ERCC1: variants seen among roughly 807,000 people sequenced by gnomAD.
ERCC1 encodes the protein DNA excision repair protein ERCC-1.
In ERCC1, 36 loss-of-function variants were observed where a neutral mutation model predicts 37.6. The observed-to-expected ratio is 0.96, with a 90% confidence interval of 0.73 to 1.26. ERCC1 has a LOEUF of 1.26. ERCC1 is among the 50% of genes most tolerant of loss of function. The pLI is 0.00. For synonymous variants in ERCC1, 156 were observed against 162.1 expected (o/e 0.96, Z 0.28); for missense variants, 349 against 376.5 (o/e 0.93, Z 0.60).
At chr19:45,435,854 G>A (rs576899627) in intron 1 of ERCC1, among the ~76,000 whole-genome samples, 3 of 152,042 alleles carry the variant, frequency 2.0e-5, no homozygotes, top group Non-Finnish European at 4.4e-5. Context: ...TCTGCCTCCC[G>A]GATTCAAGCG....
At chr19:45,441,148 A>C (rs1975110111) in intron 1 of ERCC1, among the ~76,000 whole-genome samples, 1 of 152,150 alleles carries the variant, frequency 6.6e-6, no homozygotes, top group African/African-American at 2.4e-5. Flanking sequence ...TTCCCTTTGC[A>C]CTGAGATCAT....
chr19:45,415,372 C>T (rs1973997156), intron 6 of ERCC1, among the ~76,000 whole-genome samples: 1 of 149,184 alleles, frequency 6.7e-6, no homozygotes, highest in Non-Finnish European at 1.5e-5. Flanking sequence ...TGTGGTGGCT[C>T]ACGCCTATAA....
rs746379344 is a variant in ERCC1 at position 45,408,913 on chromosome 19, G to A, written c.*762C>T. The stretch of plus-strand genomic sequence containing the variant: ...TTGAGTCTCAGCCACAGGTGAAGGT[G>A]GAGCCACTGGAGGAAGCCATCCCTC... On this transcript the variant is annotated 3_prime_UTR_variant, in exon 10 of 10. Coordinates refer to ENST00000300853, the MANE Select transcript of ERCC1 (RefSeq NM_001983.4). The A allele has an allele frequency of 1.9e-6, 3 of 1,614,136 alleles. No homozygotes were observed. Among genetic ancestry groups the A allele is most frequent in the Non-Finnish European group, 2.5e-6 (3 of 1,180,008 alleles).
intron 1 of ERCC1, among the ~76,000 whole-genome samples, chr19:45,436,952 T>C (rs1395048111): frequency 6.6e-6 from 1 of 150,888 alleles, no homozygotes; most frequent in Non-Finnish European, 1.5e-5. Flanking sequence ...AGTGAGACTT[T>C]AAAATATAAA....
intron 5 of ERCC1, among the ~76,000 whole-genome samples, chr19:45,417,481 TAAAG>T (rs1974134141): frequency 6.6e-6 from 1 of 151,844 alleles, no homozygotes; most frequent in South Asian, 2.1e-4. Flanking sequence ...ATTCCAGACA[TAAAG>T]AACAGCATGG....
intron 1 of ERCC1, among the ~76,000 whole-genome samples, chr19:45,446,732 G>T (rs1966953674): frequency 6.6e-6 from 1 of 152,164 alleles, no homozygotes; most frequent in Admixed American, 6.6e-5. Flanking sequence ...GGGAGAGGTG[G>T]CTCACAACTG....
In ERCC1 at chr19:45,408,956, A is replaced by T; in HGVS notation, c.*719T>A. On this transcript the variant is annotated 3_prime_UTR_variant, in exon 10 of 10. Transcript: ENST00000300853. ...CATCCCTCTGCCCCCTACGAAGAAG[A>T]GGAAAAAAGAAAAGGGACAGATGGC... 1 of 1,614,084 alleles carries T rather than the reference A, an allele frequency of 6.2e-7. No homozygotes were observed. The highest frequency in any genetic ancestry group is 8.5e-7 in the Non-Finnish European group (1 of 1,180,014).
chr19:45,410,565 T>TTGTGTGTGTA, intron 9 of ERCC1: 1 of 140,722 alleles, frequency 7.1e-6, no homozygotes, highest in African/African-American at 2.7e-5. Flanking sequence ...CATTCTTTCT[T>TTGTGTGTGTA]TGTGTGTGTG....
chr19:45,427,981 G>GA (rs35210742), upstream of ERCC1, among the ~76,000 whole-genome samples: 1 of 152,106 alleles, frequency 6.6e-6, no homozygotes, highest in African/African-American at 2.4e-5. Flanking sequence ...AGAGCGAGGG[G>GA]AAAAAATTGC....
rs1973414906 is a variant in ERCC1, at chr19:45,407,469, T to TG, written c.*2205dup. The TG allele has an allele frequency of 4.0e-6, 2 of 505,806 alleles. No individual in the cohort carries two copies. The highest frequency in any genetic ancestry group is 5.1e-4 in the Middle Eastern group (1 of 1,956). The allele number at this position is 505,806 out of a possible 1,614,324, so 31.3% of individuals were successfully genotyped here. A position where few individuals can be genotyped will look rare whatever the true frequency, so the allele number is the denominator to read the frequency against. On this transcript the variant is annotated 3_prime_UTR_variant, in exon 10 of 10. Transcript: ENST00000300853. ...AACTATAAGGAACTATAGTTAAACT[T>TG]GGAGTGTGCAGATAAGCTCACTAAA...
intron 1 of ERCC1, among the ~76,000 whole-genome samples, chr19:45,450,126 A>C (rs1967068448): frequency 6.6e-6 from 1 of 152,202 alleles, no homozygotes; most frequent in Non-Finnish European, 1.5e-5. Flanking sequence ...CCATTTCAGG[A>C]AGGAAGGAGG....
Position 45,420,295 on chromosome 19 carries a change from G to C in ERCC1, c.425+29C>G, listed in dbSNP as rs565066696. Reference sequence around the variant, plus strand: ...CCCAGGCCAGTGGGGTGCCCTTCCTGAAGTCTGGGGTGGCGCCGCAGAGCT... The same window carrying C: ...CCCAGGCCAGTGGGGTGCCCTTCCTCAAGTCTGGGGTGGCGCCGCAGAGCT... On this transcript the variant is annotated intron_variant, in intron 4 of 9. Transcript: ENST00000300853. This position sits in a 1 kb window ranked among gnomAD's most constrained non-coding sequence, Gnocchi z 4.8. 7 of 1,474,750 alleles carry C rather than the reference G, an allele frequency of 4.7e-6. No homozygotes were observed. In the African/African-American group the frequency reaches 5.6e-5, roughly 12 times the overall value. The allele number at this position is 1,474,750 out of a possible 1,614,324, so 91.4% of individuals were successfully genotyped here.
chr19:45,437,958 A>C (rs1185629645), intron 1 of ERCC1, among the ~76,000 whole-genome samples: 2 of 149,674 alleles, frequency 1.3e-5, no homozygotes, highest in African/African-American at 5.0e-5. Context: ...CCCAGGCTGG[A>C]GTGCAGTGGC....
At chr19:45,436,530 G>A (rs544031251) in intron 1 of ERCC1, 1 of 152,260 alleles carries the variant, frequency 6.6e-6, no homozygotes, top group Admixed American at 6.6e-5. Context: ...TGAGGCTGAG[G>A]CAGGAGAATG....
upstream of ERCC1, among the ~76,000 whole-genome samples, chr19:45,426,163 G>A (rs1010177264): frequency 1.6e-4 from 25 of 151,896 alleles, no homozygotes; most frequent in Admixed American, 1.2e-3. Context: ...GGCGGATCAC[G>A]AGGTCAGGAG....
At chr19:45,446,613 G>A (rs1427996208) in intron 1 of ERCC1, among the ~76,000 whole-genome samples, 1 of 152,130 alleles carries the variant, frequency 6.6e-6, no homozygotes, top group Non-Finnish European at 1.5e-5. Flanking sequence ...AACACTCTCA[G>A]TGCCTAGATT....
chr19:45,427,819 G>A (rs1974732370), upstream of ERCC1, among the ~76,000 whole-genome samples: 1 of 152,106 alleles, frequency 6.6e-6, no homozygotes, highest in Non-Finnish European at 1.5e-5. Flanking sequence ...TTGGGGAGCC[G>A]GGGCCTCTCT....
At chr19:45,433,949 A>T (rs1042210388) in intron 1 of ERCC1, among the ~76,000 whole-genome samples, 1 of 151,682 alleles carries the variant, frequency 6.6e-6, no homozygotes. Context: ...CCTGGCTAAC[A>T]TGGTGAAACC....
intron 9 of ERCC1, 135 bp from the exon 10 acceptor site, chr19:45,409,860 A>C (rs574479604): frequency 1.9e-6 from 1 of 538,066 alleles, no homozygotes; most frequent in Admixed American, 3.3e-5. Context: ...CAAACAATCC[A>C]GTTACAATCT....
Sources: allele counts gnomAD v4.1 joint callset (sites outside exome capture counted in the v4.1 genomes callset), GRCh38; gene constraint gnomAD v4.1.1; non-coding constraint Gnocchi (gnomAD v3.1); transcripts MANE v1.5; gene names NCBI Gene and HGNC (gene_info 2026-07-23, HGNC 2026-07-21).